Variants in TEX9 observed in about 807,000 individuals in gnomAD.
TEX9 encodes testis expressed 9.
A neutral mutation model predicts 59.6 loss-of-function variants in TEX9; 74 were observed. That is an observed-to-expected ratio of 1.24 (90% CI 1.03 to 1.51). TEX9 has a LOEUF of 1.51. Ranked by LOEUF, TEX9 falls within the 40% of genes most tolerant of loss-of-function variation. TEX9 has a pLI of 0.00. For synonymous variants in TEX9, 186 were observed against 152.2 expected (o/e 1.22, Z -1.64); for missense variants, 522 against 447.8 (o/e 1.17, Z -1.49).
At chr15:56,297,215 A>G (rs1452959630) in intron 1 of TEX9, among the ~76,000 whole-genome samples, 2 of 152,250 alleles carry the variant, frequency 1.3e-5, no homozygotes, top group Non-Finnish European at 2.9e-5. Flanking sequence ...TCATGAGGAT[A>G]GAGGTAAAAC....
intron 1 of TEX9, among the ~76,000 whole-genome samples, chr15:56,358,519 C>G (rs571357275): frequency 1.3e-5 from 2 of 151,914 alleles, no homozygotes; most frequent in African/African-American, 4.8e-5. Flanking sequence ...TCCCATATAC[C>G]CTGCACCTAG....
chr15:56,427,586 C>CTTT lies in TEX9; in HGVS notation c.964-13_964-11dup. ...GGCTGTATATTAAAAATATATGGCACTTTTTTTTCCTTGTGTAGGACATAG... is the reference window on the plus strand; with the variant it reads ...GGCTGTATATTAAAAATATATGGCACTTTTTTTTTTTCCTTGTGTAGGACATAG... On this transcript the variant is annotated intron_variant, in intron 10 of 12. Coordinates refer to ENST00000352903, the Ensembl canonical transcript of TEX9. 1 of 1,453,820 alleles carries CTTT rather than the reference C, an allele frequency of 6.9e-7. No homozygotes were observed. The highest frequency in any genetic ancestry group is 9.2e-7 in the Non-Finnish European group (1 of 1,088,406). The allele number at this position is 1,453,820 out of a possible 1,614,324, so 90.1% of individuals were successfully genotyped here. A position where few individuals can be genotyped will look rare whatever the true frequency, so the allele number is the denominator to read the frequency against.
At chr15:56,278,008 G>A (rs532420598) in intron 1 of TEX9, among the ~76,000 whole-genome samples, 5 of 150,946 alleles carry the variant, frequency 3.3e-5, no homozygotes, top group African/African-American at 4.9e-5. Flanking sequence ...CCCTTTCCAC[G>A]AAGCTTCTTT....
intron 1 of TEX9, among the ~76,000 whole-genome samples, chr15:56,317,724 T>A (rs2045809569): frequency 6.6e-6 from 1 of 152,196 alleles, no homozygotes; most frequent in African/African-American, 2.4e-5. Context: ...TTTTCATTAA[T>A]CTCAAGGTAT....
chr15:56,309,567 G>A (rs1426133236), intron 1 of TEX9, among the ~76,000 whole-genome samples: 1 of 152,100 alleles, frequency 6.6e-6, no homozygotes, highest in East Asian at 1.9e-4. Context: ...GGTAATGAAT[G>A]AATTGGCAAG....
chr15:56,401,308 C>CAAAAAAAA (rs1207055803), intron 9 of TEX9, among the ~76,000 whole-genome samples: 18 of 46,774 alleles, frequency 3.8e-4, no homozygotes, highest in East Asian at 2.2e-3. Context: ...AAATTGAAAG[C>CAAAAAAAA]AAAAAAAAAA....
chr15:56,377,072 G>A (rs2047491653), intron 3 of TEX9, among the ~76,000 whole-genome samples: 1 of 152,036 alleles, frequency 6.6e-6, no homozygotes, highest in Non-Finnish European at 1.5e-5. Context: ...TAGGTATATG[G>A]ATTTGTTTCT....
intron 1 of TEX9, among the ~76,000 whole-genome samples, chr15:56,308,796 A>G (rs2045539568): frequency 6.6e-6 from 1 of 152,214 alleles, no homozygotes; most frequent in African/African-American, 2.4e-5. Flanking sequence ...AGGACGATTC[A>G]TTGAAATGAT....
exon 9 of TEX9, chr15:56,394,765 C>T: frequency 6.2e-7 from 1 of 1,612,876 alleles, no homozygotes; most frequent in South Asian, 1.1e-5. Flanking sequence ...TAGAAAAATA[C>T]AAAACTCTTT....
chr15:56,415,068 C>T (rs929953687), intron 10 of TEX9, among the ~76,000 whole-genome samples: 3 of 151,584 alleles, frequency 2.0e-5, no homozygotes, highest in African/African-American at 7.3e-5. Flanking sequence ...TGTTCTTTCC[C>T]CACCTTTTAA....
intron 1 of TEX9, among the ~76,000 whole-genome samples, chr15:56,264,046 C>A (rs1244232117): frequency 6.6e-6 from 1 of 152,154 alleles, no homozygotes; most frequent in African/African-American, 2.4e-5. Flanking sequence ...TTGCTATAAA[C>A]ATTCCCATAT....
At chr15:56,268,370 G>A (rs1238469747) in intron 1 of TEX9, among the ~76,000 whole-genome samples, 2 of 152,200 alleles carry the variant, frequency 1.3e-5, no homozygotes, top group Non-Finnish European at 2.9e-5. Flanking sequence ...TGTTGAGTAA[G>A]AGTGGTAAGA....
Position 56,308,632 on chromosome 15 carries a change from G to C in TEX9, c.-107+64354G>C, listed in dbSNP as rs556464343. Reference sequence around the variant, plus strand: ...GTATCATATCTAAGAAATCATTCCTGATCCAAGGAATGTTTTTACTCCTGT... The same window carrying C: ...GTATCATATCTAAGAAATCATTCCTCATCCAAGGAATGTTTTTACTCCTGT... On this transcript the variant is annotated intron_variant, in intron 1 of 5. Coordinates refer to the TEX9 transcript ENST00000560827. 2.0e-5 allele frequency among the ~76,000 whole-genome samples: 3 copies of C among 152,020 alleles called. No individual in the cohort carries two copies. The East Asian group carries it at 5.8e-4, about 29-fold the overall frequency.
At chr15:56,282,300 T>A (rs1332908609) in intron 1 of TEX9, among the ~76,000 whole-genome samples, 10 of 152,140 alleles carry the variant, frequency 6.6e-5, no homozygotes, top group Non-Finnish European at 1.5e-4. Context: ...AAAATCAAAG[T>A]CATTCCTAAT....
chr15:56,249,899 T>G (rs1157215684), intron 1 of TEX9, among the ~76,000 whole-genome samples: 3 of 152,126 alleles, frequency 2.0e-5, no homozygotes, highest in African/African-American at 7.2e-5. Context: ...TAACCTCATA[T>G]GGATGCACAA....
At chr15:56,363,080 G>C (rs2046819446), upstream of TEX9, among the ~76,000 whole-genome samples, 1 of 151,976 alleles carries the variant, frequency 6.6e-6, no homozygotes, top group Non-Finnish European at 1.5e-5. Flanking sequence ...TTTTCATGTG[G>C]GTGTGTTTTC....
the TEX9 span, among the ~76,000 whole-genome samples, chr15:56,454,334 CATTTATCATTTGTGTT>C: frequency 6.6e-6 from 1 of 150,626 alleles, no homozygotes; most frequent in East Asian, 1.9e-4. Flanking sequence ...TCCCCTCAAG[CATTTATCATTTGTGTT>C]ACAAACAATC....
At chr15:56,248,118 T>C (rs376313669) in intron 1 of TEX9, among the ~76,000 whole-genome samples, 13 of 152,318 alleles carry the variant, frequency 8.5e-5, no homozygotes, top group African/African-American at 3.1e-4. Flanking sequence ...GATTGAGCTT[T>C]CTTTCAGTCT....
At chr15:56,400,299 T>C (rs1479735291) in intron 9 of TEX9, among the ~76,000 whole-genome samples, 6 of 152,168 alleles carry the variant, frequency 3.9e-5, no homozygotes, top group African/African-American at 1.4e-4. Flanking sequence ...AATGACCTGA[T>C]GGAGCTGAAA....
Sources: gnomAD v4.1 joint callset for allele counts (sites outside exome capture counted in the v4.1 genomes callset) on GRCh38, gnomAD v4.1.1 for gene constraint, MANE v1.5 for transcripts, NCBI Gene and HGNC (gene_info 2026-07-23, HGNC 2026-07-21) for gene names.